The following AGBL3 variants were observed in gnomAD, a reference collection of about 807,000 sequenced individuals.
AGBL3 encodes the protein AGBL carboxypeptidase 3.
Under a neutral mutation model 94.5 loss-of-function variants are expected in AGBL3, and 68 were observed. The ratio of observed to expected loss-of-function variants is 0.72; its 90% CI spans 0.59 to 0.88. The LOEUF is 0.88. Ranked by LOEUF, AGBL3 falls within the 40% of genes least tolerant of loss-of-function variation. The probability of loss-of-function intolerance (pLI) is 0.00; values close to 1 mark genes in which losing one functional copy is unlikely to be tolerated. For synonymous variants in AGBL3, 354 were observed against 370.7 expected, an observed-to-expected ratio of 0.95 and a Z score of 0.52; for missense variants, 934 against 1,103.8, an observed-to-expected ratio of 0.85 and a Z score of 2.18.
At chr7:135,133,220 A>C (rs917557751) in intron 16 of AGBL3, among the ~76,000 whole-genome samples, 7 of 152,210 alleles carry the variant, frequency 4.6e-5, no homozygotes, top group Admixed American at 3.9e-4. Flanking sequence ...TATCTCAAAA[A>C]AAATACTTGG....
intron 15 of AGBL3, among the ~76,000 whole-genome samples, chr7:135,096,598 T>C (rs980153932): frequency 1.7e-5 from 2 of 115,872 alleles, no homozygotes; most frequent in Admixed American, 9.8e-5. Flanking sequence ...GATAGATAGA[T>C]AGATAGATAG....
At chr7:135,093,001 C>G (rs951360755) in intron 15 of AGBL3, 1 of 150,924 alleles carries the variant, frequency 6.6e-6, no homozygotes, top group Admixed American at 6.6e-5. Flanking sequence ...AAAAGAGACA[C>G]TCAACAAATT....
At chr7:135,038,664 T>C (rs976432276) in intron 8 of AGBL3, among the ~76,000 whole-genome samples, 1 of 152,206 alleles carries the variant, frequency 6.6e-6, no homozygotes. Context: ...AAATGTTTCT[T>C]ATAAAAATCT....
chr7:135,074,349 A>C (rs1442977098), intron 12 of AGBL3, among the ~76,000 whole-genome samples: 1 of 152,176 alleles, frequency 6.6e-6, no homozygotes. Context: ...TTATTTGACA[A>C]ACCCTCATAG....
In AGBL3 at chr7:135,111,233, A is replaced by G. The variant is rs1825596987; in HGVS notation, c.2111-4147A>G. On this transcript the variant is annotated intron_variant, in intron 15 of 16. Coordinates refer to ENST00000436302, the MANE Select transcript of AGBL3 (RefSeq NM_178563.4). ...TTCATTCAGCAGTGCTCTAGATCCC[A>G]TGTCCATCAATTTCCTTAGTGACAT... is the stretch of plus-strand genomic sequence containing the variant. Among the ~76,000 whole-genome samples the G allele has an allele frequency of 2.6e-5, 4 of 152,318 alleles. No individual in the cohort carries two copies. In the South Asian group the frequency reaches 8.3e-4, roughly 32 times the overall value.
intron 4 of AGBL3, among the ~76,000 whole-genome samples, chr7:135,003,922 GT>G (rs1812052868): frequency 6.6e-6 from 1 of 151,082 alleles, no homozygotes; most frequent in Non-Finnish European, 1.5e-5. Context: ...CTAATTTTCA[GT>G]TTTTATACCT....
At chr7:134,986,849 A>C (rs1274756021) in intron 1 of AGBL3, 148 bp downstream of exon 1, 1 of 152,228 alleles carries the variant, frequency 6.6e-6, no homozygotes, top group African/African-American at 2.4e-5. Context: ...CCCGCCAAAA[A>C]CGCCTTGGTA....
intron 6 of AGBL3, among the ~76,000 whole-genome samples, chr7:135,033,430 C>T (rs1045830043): frequency 5.3e-5 from 8 of 152,186 alleles, no homozygotes; most frequent in Admixed American, 2.6e-4. Flanking sequence ...GGTTTTGCAA[C>T]ATTTATTTTA....
chr7:135,096,903 G>T (rs1399508500), intron 15 of AGBL3, among the ~76,000 whole-genome samples: 1 of 152,154 alleles, frequency 6.6e-6, no homozygotes, highest in East Asian at 1.9e-4. Flanking sequence ...ATGCAGAAAA[G>T]AATTTGGGAT....
At chr7:135,091,651 T>G (rs1821869759) in intron 15 of AGBL3, among the ~76,000 whole-genome samples, 1 of 152,188 alleles carries the variant, frequency 6.6e-6, no homozygotes, top group African/African-American at 2.4e-5. Context: ...AGAAACCAAG[T>G]TCTCTAACAT....
At chr7:134,994,768 T>C (rs572262069) in intron 4 of AGBL3, among the ~76,000 whole-genome samples, 1 of 152,226 alleles carries the variant, frequency 6.6e-6, no homozygotes, top group African/African-American at 2.4e-5. Context: ...TTTTTGTTCA[T>C]AGAGGACAAA....
At chr7:135,032,224 A>C (rs548875402) in intron 5 of AGBL3, among the ~76,000 whole-genome samples, 1 of 152,310 alleles carries the variant, frequency 6.6e-6, no homozygotes, top group South Asian at 2.1e-4. Flanking sequence ...CCAGTTTTAC[A>C]GTCATTTATG....
chr7:135,007,058 C>T (rs762451958), intron 4 of AGBL3, among the ~76,000 whole-genome samples: 10 of 151,948 alleles, frequency 6.6e-5, no homozygotes, highest in Middle Eastern at 3.4e-3. Context: ...TACAGAGAGT[C>T]GCTTAAACCC....
intron 4 of AGBL3, chr7:135,010,314 T>G (rs1024815912): frequency 4.5e-5 from 11 of 246,692 alleles, no homozygotes; most frequent in African/African-American, 2.4e-4. Flanking sequence ...TTGTTGTTTT[T>G]TTTTTTTTAA....
intron 16 of AGBL3, among the ~76,000 whole-genome samples, chr7:135,121,878 C>T (rs1232303700): frequency 6.6e-6 from 1 of 152,198 alleles, no homozygotes; most frequent in Non-Finnish European, 1.5e-5. Context: ...GGAAACCGTG[C>T]TTTTTCCACA....
intron 8 of AGBL3, among the ~76,000 whole-genome samples, chr7:135,040,929 C>G (rs1239663231): frequency 6.6e-6 from 1 of 151,402 alleles, no homozygotes; most frequent in Non-Finnish European, 1.5e-5. Flanking sequence ...GGAATTTAAG[C>G]AAGGTCGTAG....
At chr7:135,134,597 G>A (rs1829222967) in intron 16 of AGBL3, among the ~76,000 whole-genome samples, 1 of 151,966 alleles carries the variant, frequency 6.6e-6, no homozygotes, top group South Asian at 2.1e-4. Flanking sequence ...TAGGAAGGCT[G>A]AGGTTAGAGT....
chr7:134,998,763 G>A (rs1367500846), intron 4 of AGBL3, among the ~76,000 whole-genome samples: 1 of 152,178 alleles, frequency 6.6e-6, no homozygotes, highest in Admixed American at 6.5e-5. Context: ...AAGGTTGAAA[G>A]GTAAGTTTCT....
intron 16 of AGBL3, 69 bp downstream of exon 16, chr7:135,115,680 A>G: frequency 7.8e-7 from 1 of 1,277,120 alleles, no homozygotes; most frequent in Non-Finnish European, 1.1e-6. Context: ...GGGCTTATTA[A>G]TTTATTATCC....
Sources: allele counts gnomAD v4.1 joint callset (sites outside exome capture counted in the v4.1 genomes callset), GRCh38; gene constraint gnomAD v4.1.1; transcripts MANE v1.5; gene names NCBI Gene and HGNC (gene_info 2026-07-23, HGNC 2026-07-21).